PHF7: variants seen among roughly 807,000 people sequenced by gnomAD.
The protein encoded by PHF7 is E3 ubiquitin-protein ligase PHF7.
In PHF7, 24 loss-of-function variants were observed where a neutral mutation model predicts 47.5. That is an observed-to-expected ratio of 0.51 (90% CI 0.37 to 0.71). The LOEUF (loss-of-function observed/expected upper bound fraction) is 0.71. Ranked by LOEUF, PHF7 falls within the 30% of genes least tolerant of loss-of-function variation. PHF7 has a pLI of 0.00. For synonymous variants in PHF7, 156 were observed against 153.8 expected, an observed-to-expected ratio of 1.01 and a Z score of -0.11; for missense variants, 361 against 456.8, an observed-to-expected ratio of 0.79 and a Z score of 1.91.
In PHF7 at chr3:52,423,522, G is replaced by A. The variant is rs1705862673; in HGVS notation, c.*205G>A. 1 of 504,552 alleles carries A rather than the reference G, an allele frequency of 2.0e-6. No individual in the cohort carries two copies. Among genetic ancestry groups the A allele is most frequent in the Non-Finnish European group, 3.5e-6 (1 of 284,166 alleles). The allele number at this position is 504,552 out of a possible 1,614,324, so 31.3% of individuals were successfully genotyped here. ...AGGAAATGCGTTTATGGCTACAAGA[G>A]TGCCTCTGCTTTCTCCTCCTCTCCT... On this transcript the variant is annotated 3_prime_UTR_variant, in exon 11 of 11. Transcript: ENST00000327906.
chr3:52,418,364 A>T (rs1277803001), intron 4 of PHF7, among the ~76,000 whole-genome samples: 1 of 152,210 alleles, frequency 6.6e-6, no homozygotes, highest in Non-Finnish European at 1.5e-5. Context: ...TATTTTGGAA[A>T]TCTTTCTGTA....
In PHF7 at chr3:52,414,570, G is replaced by T; in HGVS notation, c.169G>T (p.Val57Leu). ...ATTTCTTCAGAAAGACAATATCAGC[G>T]TGCATTATTTCTGTCTTGTGAGTAT... ...GEFLQKDNISVHYFCLILSSK... is the reference protein window; with the variant it reads ...GEFLQKDNISLHYFCLILSSK... Residue 57 changes from valine (V) to leucine (L), a missense_variant, in exon 4 of 11, where the codon GTG (valine) becomes TTG (leucine). Coordinates refer to ENST00000327906, the MANE Select transcript of PHF7 (RefSeq NM_016483.7). The T allele has an allele frequency of 6.2e-7, 1 of 1,609,576 alleles. No homozygotes were observed. The highest frequency in any genetic ancestry group is 1.1e-5 in the South Asian group (1 of 90,902).
At chr3:52,422,678 A>G in intron 9 of PHF7, 82 bp from the exon 10 acceptor site, 3 of 1,470,162 alleles carry the variant, frequency 2.0e-6, no homozygotes, top group East Asian at 2.3e-5. Flanking sequence ...GCTGTAAAAA[A>G]TGCCTGGCCC....
intron 3 of PHF7, 95 bp from the exon 4 acceptor site, chr3:52,414,401 C>T (rs1578238632): frequency 6.5e-6 from 5 of 768,610 alleles, no homozygotes; most frequent in Non-Finnish European, 1.1e-5. Context: ...TAGTATTCTA[C>T]TCCTTCCTGA....
chr3:52,422,680 G>A (rs1705827104), intron 9 of PHF7, 80 bp from the exon 10 acceptor site: 2 of 1,478,244 alleles, frequency 1.4e-6, no homozygotes, highest in Non-Finnish European at 9.5e-7. Flanking sequence ...TGTAAAAAAT[G>A]CCTGGCCCAT....
At chr3:52,411,843 C>T (rs1210287033) in intron 1 of PHF7, among the ~76,000 whole-genome samples, 4 of 152,196 alleles carry the variant, frequency 2.6e-5, no homozygotes, top group African/African-American at 9.6e-5. Flanking sequence ...GCACTTTTGG[C>T]TATTGTACTC....
At position 52,422,715 on chromosome 3, in the gene PHF7, G is replaced by A. The variant is rs772616347; in HGVS notation, c.798-45G>A. 2.5e-6 allele frequency: 4 copies of A among 1,609,372 alleles called. No individual in the cohort carries two copies. In the South Asian group the frequency reaches 3.3e-5, roughly 13 times the overall value. On this transcript the variant is annotated intron_variant, in intron 9 of 10. Transcript: ENST00000327906. ...TAGCAAACATCCAAGCATGGCAGTT[G>A]GTGTTCTGTATGTCTCCACAACCCT...
Position 52,421,598 on chromosome 3 carries a change from T to C in PHF7, c.574-50T>C. ...GGTGAGGGTGGGAGGAGAAAGAAGG[T>C]AGTCAAAGGGTTTTTACAAACACAG... On this transcript the variant is annotated intron_variant, in intron 7 of 10. Transcript: ENST00000327906. The C allele has an allele frequency of 3.0e-6, 3 of 1,004,706 alleles. No homozygotes were observed. In the East Asian group the frequency reaches 7.2e-5, roughly 24 times the overall value. The allele number at this position is 1,004,706 out of a possible 1,614,324, so 62.2% of individuals were successfully genotyped here.
chr3:52,417,703 A>G (rs1278791387), intron 4 of PHF7, among the ~76,000 whole-genome samples: 1 of 152,196 alleles, frequency 6.6e-6, no homozygotes, highest in African/African-American at 2.4e-5. Context: ...AGGATTCCCT[A>G]TGCACATAAC....
chr3:52,420,954 G>C lies in PHF7; in HGVS notation c.465G>C (p.Val155=), dbSNP rs768521025. 62 of 1,613,152 alleles carry C rather than the reference G, an allele frequency of 3.8e-5. No homozygotes were observed. The highest frequency in any genetic ancestry group is 4.7e-5 in the Non-Finnish European group (56 of 1,179,384). The change falls in exon 7 of 11, where the codon GTG becomes GTC. Residue 155 remains valine, a synonymous_variant. Coordinates refer to ENST00000327906, the MANE Select transcript of PHF7 (RefSeq NM_016483.7). ...CACAGAACATCCAACATGGGCATGT[G>C]GGGGAGGAAAGCTGCATCTTATGTT... ...RPTQNIQHGH[V]GEESCILCCE... is the part of the protein sequence containing the mutation.
rs759453333 is a variant in PHF7 at position 52,423,107 on chromosome 3, C to T, written c.936C>T (p.Asn312=). The change falls in exon 11 of 11, where the codon AAC becomes AAT. Residue 312 remains asparagine (N), a synonymous_variant. Coordinates refer to ENST00000327906, the MANE Select transcript of PHF7 (RefSeq NM_016483.7). The stretch of plus-strand genomic sequence containing the variant: ...TCTCACCAGACTACATACCTGAAAA[C>T]TCAGGGGACATCCCTTGCTGCAGCA... ...PAAATDYIPE[N]SGDIPCCSST... The T allele has an allele frequency of 1.1e-5, 17 of 1,612,324 alleles. No homozygotes were observed. Among genetic ancestry groups the T allele is most frequent in the Non-Finnish European group, 1.4e-5 (16 of 1,178,486 alleles).
At chr3:52,421,467 T>C (rs1283834748) in intron 7 of PHF7, among the ~76,000 whole-genome samples, 181 bp from the exon 8 acceptor site, 1 of 152,092 alleles carries the variant, frequency 6.6e-6, no homozygotes, top group Non-Finnish European at 1.5e-5. Context: ...CTCTTGAAAG[T>C]ATTTTGGTCC....
intron 4 of PHF7, among the ~76,000 whole-genome samples, chr3:52,415,061 G>A (rs1259601454): frequency 6.6e-6 from 1 of 152,082 alleles, no homozygotes. Context: ...CAGTAAAAAA[G>A]TCTCTTCCCT....
chr3:52,414,441 CTCT>C, intron 3 of PHF7, 52 bp from the exon 4 acceptor site: 1 of 969,730 alleles, frequency 1.0e-6, no homozygotes, highest in Non-Finnish European at 1.7e-6. Context: ...TCTCACCCTT[CTCT>C]TCCATTCTTA....
At position 52,420,299 on chromosome 3, in the gene PHF7, A is replaced by G; in HGVS notation, c.289-12A>G. 1 of 1,613,524 alleles carries G rather than the reference A, an allele frequency of 6.2e-7. No homozygotes were observed. Among genetic ancestry groups the G allele is most frequent in the East Asian group, 2.2e-5 (1 of 44,866 alleles). ...TTGGGGTCCTGAGCACTGTCTGGGA[A>G]CTCATTTGCAGATCTGCTTTGTGTG... On this transcript the variant is annotated splice_polypyrimidine_tract_variant and intron_variant, in intron 5 of 10. Coordinates refer to ENST00000327906, the MANE Select transcript of PHF7 (RefSeq NM_016483.7).
intron 3 of PHF7, 64 bp downstream of exon 3, chr3:52,414,112 T>G (rs1196755802): frequency 2.9e-6 from 3 of 1,051,960 alleles, no homozygotes; most frequent in South Asian, 1.3e-5. Context: ...AGGCCACCTG[T>G]GTGGGGCAGT....
intron 4 of PHF7, among the ~76,000 whole-genome samples, chr3:52,417,026 T>G (rs1578241812): frequency 3.0e-3 from 1 of 338 alleles, no homozygotes; most frequent in Non-Finnish European, 4.6e-3. Flanking sequence ...AGTTTATCCA[T>G]TTTTTTCTTT....
intron 6 of PHF7, 151 bp downstream of exon 6, chr3:52,420,586 T>G (rs1044737492): frequency 1.2e-6 from 1 of 813,146 alleles, no homozygotes; most frequent in Non-Finnish European, 2.0e-6. Context: ...GTGTCTTGAC[T>G]TGGAGATTTC....
intron 2 of PHF7, among the ~76,000 whole-genome samples, chr3:52,413,475 G>C (rs1239259924): frequency 6.6e-6 from 1 of 152,202 alleles, no homozygotes; most frequent in East Asian, 1.9e-4. Context: ...ACTGGGGAGA[G>C]AAAGATGCTT....
Sources: gnomAD v4.1 joint callset for allele counts (sites outside exome capture counted in the v4.1 genomes callset) on GRCh38, gnomAD v4.1.1 for gene constraint, MANE v1.5 for transcripts, NCBI Gene and HGNC (gene_info 2026-07-23, HGNC 2026-07-21) for gene names.